Variants in LARP1B observed in about 807,000 individuals in gnomAD.
The protein encoded by LARP1B is La ribonucleoprotein 1B.
In LARP1B, 76 loss-of-function variants were observed where a neutral mutation model predicts 114.2. The observed-to-expected ratio is 0.67, with a 90% CI of 0.55 to 0.81. LARP1B has a LOEUF of 0.81. Ranked by LOEUF, LARP1B falls within the 30% of genes least tolerant of loss-of-function variation. The pLI, the probability that LARP1B is intolerant of heterozygous loss-of-function variation, is 0.00. For synonymous variants in LARP1B, 345 were observed against 348.0 expected (o/e 0.99, Z 0.10); for missense variants, 1,014 against 1,075.8 (o/e 0.94, Z 0.80).
chr4:128,155,798 C>CTATCA, intron 11 of LARP1B: 1 of 1,589,180 alleles, frequency 6.3e-7, no homozygotes, highest in Non-Finnish European at 8.6e-7. Context: ...CAGGCGGAGA[C>CTATCA]TGATAAACTG....
intron 8 of LARP1B, among the ~76,000 whole-genome samples, chr4:128,105,846 A>T (rs1372509819): frequency 6.6e-6 from 1 of 152,152 alleles, no homozygotes; most frequent in Admixed American, 6.5e-5. Flanking sequence ...AGCCAAGTTG[A>T]CAACACTGCA....
Position 128,166,930 on chromosome 4 carries a change from TTCTCTCTCTCTCTCTCTC to T in LARP1B, c.1648+4637_1648+4654del, listed in dbSNP as rs56916317. 2.0e-4 allele frequency among the ~76,000 whole-genome samples: 21 copies of T among 103,086 alleles called. No individual in the cohort carries two copies. The East Asian group carries it at 2.1e-3, about 10-fold the overall frequency. The allele number at this position is 103,086 out of a possible 152,430, so 67.6% of individuals were successfully genotyped here. ...TTTTTAAAGGCTTAATTATATTCTA[TTCTCTCTCTCTCTCTCTC>T]TCTCTCTCTCTCTCTCTCTCTCTAT... On this transcript the variant is annotated intron_variant, in intron 12 of 19. Transcript: ENST00000326639.
intron 15 of LARP1B, among the ~76,000 whole-genome samples, chr4:128,190,709 C>A (rs1751993187): frequency 6.6e-6 from 1 of 152,154 alleles, no homozygotes; most frequent in Admixed American, 6.5e-5. Flanking sequence ...CCTGAAGCCT[C>A]CCCAGCCATG....
chr4:128,133,719 A>G (rs1476182165), intron 11 of LARP1B, among the ~76,000 whole-genome samples: 2 of 152,050 alleles, frequency 1.3e-5, no homozygotes, highest in Admixed American at 6.6e-5. Context: ...TTTTTGAGAC[A>G]GAGTTTCGCT....
intron 11 of LARP1B, among the ~76,000 whole-genome samples, chr4:128,139,617 G>A (rs1230203640): frequency 6.6e-6 from 1 of 151,558 alleles, no homozygotes; most frequent in Non-Finnish European, 1.5e-5. Context: ...ATAAGATCGT[G>A]CCATTGCACT....
chr4:128,165,648 C>T (rs527394946), intron 12 of LARP1B, among the ~76,000 whole-genome samples: 1 of 152,032 alleles, frequency 6.6e-6, no homozygotes, highest in Non-Finnish European at 1.5e-5. Flanking sequence ...CTATTTATTC[C>T]CTATACCTGC....
intron 15 of LARP1B, among the ~76,000 whole-genome samples, chr4:128,195,472 AATTT>A (rs1343632561): frequency 6.6e-6 from 1 of 152,074 alleles, no homozygotes; most frequent in African/African-American, 2.4e-5. Flanking sequence ...CATTGTGGAG[AATTT>A]ATTTAATGAT....
intron 10 of LARP1B, among the ~76,000 whole-genome samples, chr4:128,117,370 C>T (rs188657019): frequency 3.3e-5 from 5 of 151,972 alleles, no homozygotes; most frequent in East Asian, 1.9e-4. Flanking sequence ...CTACTACACC[C>T]GGCTAATTTT....
Position 128,121,939 on chromosome 4 carries a change from A to G in LARP1B, c.1275A>G (p.Lys425=), listed in dbSNP as rs771172438. The G allele has an allele frequency of 5.0e-6, 8 of 1,612,880 alleles. No individual in the cohort carries two copies. Among genetic ancestry groups the G allele is most frequent in the Non-Finnish European group, 6.8e-6 (8 of 1,179,976 alleles). ...AAGAGATTGAACAAATAGGACGAAA[A>G]AACACATTTACTGATTGGTCTGATA... ...FDEEIEQIGR[K]NTFTDWSDND... is the part of the protein sequence containing the mutation. Residue 425 remains lysine (K), a synonymous_variant, in exon 11 of 20, where the codon AAA becomes AAG. Transcript: ENST00000326639.
intron 1 of LARP1B, chr4:128,068,925 A>G: frequency 2.0e-6 from 1 of 497,658 alleles, no homozygotes; most frequent in Non-Finnish European, 3.6e-6. Flanking sequence ...CAGTCTGCAG[A>G]CTAGTTTTAA....
chr4:128,143,314 A>G (rs759391788), intron 11 of LARP1B, among the ~76,000 whole-genome samples: 2 of 152,184 alleles, frequency 1.3e-5, no homozygotes, highest in African/African-American at 2.4e-5. Flanking sequence ...TTGCCTCATT[A>G]TGTAAATTCT....
intron 11 of LARP1B, among the ~76,000 whole-genome samples, chr4:128,143,727 C>T (rs1489028547): frequency 5.3e-5 from 8 of 151,240 alleles, no homozygotes; most frequent in Non-Finnish European, 1.0e-4. Context: ...ATATTGCACT[C>T]AAATATTGAA....
At chr4:128,081,325 C>T (rs947263881) in intron 4 of LARP1B, among the ~76,000 whole-genome samples, 4 of 150,590 alleles carry the variant, frequency 2.7e-5, no homozygotes, top group Non-Finnish European at 4.4e-5. Context: ...GTTATCTGCC[C>T]GCTTCAGCCT....
intron 11 of LARP1B, among the ~76,000 whole-genome samples, chr4:128,154,100 AT>A (rs912229544): frequency 6.6e-6 from 1 of 151,574 alleles, no homozygotes; most frequent in South Asian, 2.1e-4. Context: ...TTCTCATTTC[AT>A]TTTTTTTCCC....
chr4:128,178,252 T>C (rs1747104751), intron 13 of LARP1B, among the ~76,000 whole-genome samples, 179 bp from the exon 14 acceptor site: 1 of 151,714 alleles, frequency 6.6e-6, no homozygotes, highest in African/African-American at 2.4e-5. Flanking sequence ...TATAGAAAAA[T>C]AAAAATTTTA....
intron 12 of LARP1B, among the ~76,000 whole-genome samples, chr4:128,173,862 T>G (rs571997498): frequency 1.3e-5 from 2 of 152,280 alleles, no homozygotes; most frequent in South Asian, 4.1e-4. Context: ...AGCACCACAG[T>G]CCGGTTTTAG....
intron 7 of LARP1B, among the ~76,000 whole-genome samples, chr4:128,221,272 C>A (rs1012381968): frequency 6.6e-6 from 1 of 152,004 alleles, no homozygotes; most frequent in Non-Finnish European, 1.5e-5. Flanking sequence ...TGAAACTGAG[C>A]ATTTTATTTA....
chr4:128,190,764 C>G (rs1752009341), intron 15 of LARP1B, among the ~76,000 whole-genome samples: 1 of 152,136 alleles, frequency 6.6e-6, no homozygotes, highest in South Asian at 2.1e-4. Context: ...AATTACCCAG[C>G]CTCAGGTATT....
chr4:128,113,042 A>G (rs1015962102), intron 9 of LARP1B, among the ~76,000 whole-genome samples: 3 of 152,180 alleles, frequency 2.0e-5, no homozygotes, highest in African/African-American at 7.2e-5. Context: ...GTGTTAATTT[A>G]TTTCAGCTTT....
Sources: gnomAD v4.1 joint callset for allele counts (sites outside exome capture counted in the v4.1 genomes callset) on GRCh38, gnomAD v4.1.1 for gene constraint, MANE v1.5 for transcripts, NCBI Gene and HGNC (gene_info 2026-07-23, HGNC 2026-07-21) for gene names.